The following ACVRL1 variants were observed in gnomAD, a reference collection of about 807,000 sequenced individuals.
ACVRL1 encodes the protein activin receptor type-1-like.
In ACVRL1, 20 loss-of-function variants were observed where a neutral mutation model predicts 51.9. The observed-to-expected ratio is 0.39, with a 90% CI of 0.27 to 0.56. The LOEUF (loss-of-function observed/expected upper bound fraction) is 0.56. Ranked by LOEUF, ACVRL1 falls within the 20% of genes least tolerant of loss-of-function variation. ACVRL1 has a pLI of 0.67. For missense variants in ACVRL1, 451 were observed against 670.3 expected (o/e 0.67, Z 3.61); for synonymous variants, 288 against 280.9 (o/e 1.03, Z -0.25).
At position 51,915,701 on chromosome 12, in the gene ACVRL1, C is replaced by T. The variant is rs1940820338; in HGVS notation, c.1048+201C>T. The T allele has an allele frequency of 3.7e-6, 3 of 800,080 alleles. No individual in the cohort carries two copies. In the South Asian group the frequency reaches 5.7e-5, roughly 15 times the overall value. 49.6% of individuals were successfully genotyped at this position (800,080 alleles called of 1,614,324 possible). A position where few individuals can be genotyped will look rare whatever the true frequency, so the allele number is the denominator to read the frequency against. On this transcript the variant is annotated intron_variant, in intron 7 of 9. Transcript: ENST00000388922. ...GATTCCTTCCACCATACCATCCTGG[C>T]TCCAGGAGTTGGGAGAAAGGAGGCA...
Position 51,921,024 on chromosome 12 carries a change from C to T in ACVRL1, c.*131C>T, listed in dbSNP as rs886049610. The T allele has an allele frequency of 1.6e-5, 18 of 1,151,840 alleles. No homozygotes were observed. The highest frequency in any genetic ancestry group is 2.0e-5 in the Non-Finnish European group (16 of 802,446). 71.4% of individuals were successfully genotyped at this position (1,151,840 alleles called of 1,614,324 possible). On this transcript the variant is annotated 3_prime_UTR_variant, in exon 10 of 10. Coordinates refer to ENST00000388922, the MANE Select transcript of ACVRL1 (RefSeq NM_000020.3). ...GGATGGGCAGCTGCGCCTGCCTGCT[C>T]GGCCCCCAGCCCACCCAGCCAAAAA...
chr12:51,920,172 G>A (rs563256681), intron 9 of ACVRL1, among the ~76,000 whole-genome samples: 21 of 152,338 alleles, frequency 1.4e-4, no homozygotes, highest in African/African-American at 3.8e-4. Flanking sequence ...ATGGGTTGAT[G>A]AGCTTTTTGG....
At chr12:51,912,620 A>AACT in intron 2 of ACVRL1, 85 bp downstream of exon 2, 2 of 1,189,986 alleles carry the variant, frequency 1.7e-6, no homozygotes, top group Non-Finnish European at 2.5e-6. Context: ...CCTGGGGCTG[A>AACT]ACTTGAGAAG....
rs1409264215 is a variant in ACVRL1, at chr12:51,912,522, C to G, written c.48C>G (p.Ala16=). 6.2e-7 allele frequency: 1 copy of G among 1,613,796 alleles called. No individual in the cohort carries two copies. Among genetic ancestry groups the G allele is most frequent in the South Asian group, 1.1e-5 (1 of 91,066 alleles). The change falls in exon 2 of 10, where the codon GCC becomes GCG. Residue 16 remains alanine, a synonymous_variant. Coordinates refer to ENST00000388922, the MANE Select transcript of ACVRL1 (RefSeq NM_000020.3). ...AAGGCCTTCTGATGCTGCTGATGGCCTTGGTGACCCAGGGTGAGTACTGGG... is the reference window on the plus strand; with the variant it reads ...AAGGCCTTCTGATGCTGCTGATGGCGTTGGTGACCCAGGGTGAGTACTGGG... ...PRKGLLMLLM[A]LVTQGDPVKP...
At chr12:51,912,442 A>C in intron 1 of ACVRL1, 28 bp from the exon 2 acceptor site, 1 of 1,612,504 alleles carries the variant, frequency 6.2e-7, no homozygotes, top group Non-Finnish European at 8.5e-7. Flanking sequence ...CATGGCTCTT[A>C]CTCCACCTCT....
intron 7 of ACVRL1, chr12:51,915,819 T>C (rs371738326): frequency 1.0e-4 from 66 of 642,886 alleles, no homozygotes; most frequent in East Asian, 8.1e-4. Context: ...CCCACTCACA[T>C]CTCGCTGGGT....
In ACVRL1 at chr12:51,923,088, AAGC is replaced by A. The variant is rs199704094; in HGVS notation, c.*2202_*2204del. On this transcript the variant is annotated 3_prime_UTR_variant, in exon 10 of 10. Transcript: ENST00000388922. ...CTGAGACCCCACAGCCAGAAACTGA[AAGC>A]AGCAGCTCCCCAAAGCCTGGAAAAT... is the stretch of plus-strand genomic sequence containing the variant. The A allele has an allele frequency of 5.2e-5, 8 of 152,814 alleles. No individual in the cohort carries two copies. In the East Asian group the frequency reaches 1.5e-3, roughly 29 times the overall value. The allele number at this position is 152,814 out of a possible 1,614,324, so 9.5% of individuals were successfully genotyped here. A position where few individuals can be genotyped will look rare whatever the true frequency, so the allele number is the denominator to read the frequency against.
chr12:51,920,402 T>G (rs564456180), intron 9 of ACVRL1, among the ~76,000 whole-genome samples: 17 of 152,304 alleles, frequency 1.1e-4, no homozygotes, highest in African/African-American at 4.1e-4. Context: ...TCACAGACAC[T>G]GCTTGCCCAA....
intron 2 of ACVRL1, 121 bp from the exon 3 acceptor site, chr12:51,912,978 C>G: frequency 7.1e-7 from 1 of 1,408,288 alleles, no homozygotes; most frequent in East Asian, 2.5e-5. Flanking sequence ...AGTAAGAGAC[C>G]AAAGCTTCAA....
intron 6 of ACVRL1, 103 bp from the exon 7 acceptor site, chr12:51,915,122 A>T: frequency 7.9e-7 from 1 of 1,265,206 alleles, no homozygotes; most frequent in Non-Finnish European, 1.1e-6. Context: ...CTTAGCAGTG[A>T]CCCAGTCCAT....
chr12:51,909,207 G>A (rs963137109), intron 1 of ACVRL1, among the ~76,000 whole-genome samples: 6 of 152,044 alleles, frequency 3.9e-5, no homozygotes, highest in Non-Finnish European at 8.8e-5. Context: ...AGCACCTTTC[G>A]GGCATACCAC....
intron 1 of ACVRL1, among the ~76,000 whole-genome samples, chr12:51,910,955 T>C (rs188340543): frequency 4.3e-3 from 653 of 152,288 alleles, no homozygotes; most frequent in Admixed American, 7.1e-3. Context: ...ACCCCACCCC[T>C]AGCCATACTG....
In ACVRL1 at chr12:51,917,872, C is replaced by A. The variant is rs1051023999; in HGVS notation, c.1247-1113C>A. Among the ~76,000 whole-genome samples, 2 of 152,144 alleles carry A rather than the reference C, an allele frequency of 1.3e-5. No individual in the cohort carries two copies. Among genetic ancestry groups the A allele is most frequent in the Admixed American group, 1.3e-4 (2 of 15,274 alleles). On this transcript the variant is annotated intron_variant, in intron 8 of 9. Coordinates refer to ENST00000388922, the MANE Select transcript of ACVRL1 (RefSeq NM_000020.3). The surrounding 1 kb of genome is among the most constrained non-coding windows in gnomAD (Gnocchi z 4.2). ...GGGTGGAGGGGGAAGCTCCATCAGC[C>A]CCACACGGACTCGCGGCGCATTATA...
At chr12:51,916,697 G>A (rs564183097) in intron 8 of ACVRL1, among the ~76,000 whole-genome samples, 2 of 152,352 alleles carry the variant, frequency 1.3e-5, no homozygotes, top group East Asian at 1.9e-4. Flanking sequence ...TTGTAAAATG[G>A]GTGCGATGGC....
chr12:51,913,929 G>A (rs1940762368), intron 4 of ACVRL1, 45 bp from the exon 5 acceptor site: 1 of 1,601,150 alleles, frequency 6.2e-7, no homozygotes, highest in Non-Finnish European at 8.5e-7. Context: ...GAAGGGGGCT[G>A]TGGCTGGTTG....
intron 2 of ACVRL1, 96 bp downstream of exon 2, chr12:51,912,631 C>A: frequency 9.2e-7 from 1 of 1,091,856 alleles, no homozygotes; most frequent in Non-Finnish European, 1.4e-6. Context: ...ACTTGAGAAG[C>A]TGGGGAGAAT....
intron 1 of ACVRL1, among the ~76,000 whole-genome samples, chr12:51,909,166 T>C (rs1298981383): frequency 6.6e-6 from 1 of 152,208 alleles, no homozygotes; most frequent in African/African-American, 2.4e-5. Flanking sequence ...TTATCAATCC[T>C]TCAGGTGTGC....
At position 51,916,243 on chromosome 12, in the gene ACVRL1, C is replaced by T; in HGVS notation, c.1246+10C>T. On this transcript the variant is annotated intron_variant, in intron 8 of 9. Coordinates refer to ENST00000388922, the MANE Select transcript of ACVRL1 (RefSeq NM_000020.3). ...CGGACCATCGTGAATGGTGAGGGCC[C>T]ACCCTACACAGGGTAGGGAAAGGGG... 2 of 1,613,170 alleles carry T rather than the reference C, an allele frequency of 1.2e-6. No homozygotes were observed. The highest frequency in any genetic ancestry group is 1.7e-6 in the Non-Finnish European group (2 of 1,179,658).
chr12:51,907,930 C>T lies in ACVRL1; in HGVS notation c.-6+235C>T, dbSNP rs1040541060. Among the ~76,000 whole-genome samples the T allele has an allele frequency of 2.0e-5, 3 of 152,182 alleles. No homozygotes were observed. The highest frequency in any genetic ancestry group is 7.2e-5 in the African/African-American group (3 of 41,446). The stretch of plus-strand genomic sequence containing the variant: ...TGGAAATCAGAAACTTGGTTCTAGT[C>T]GGGTGACCTGGGGTCAGTGACTTCA... On this transcript the variant is annotated intron_variant, in intron 1 of 9. Transcript: ENST00000388922. This position sits in a 1 kb window ranked among gnomAD's most constrained non-coding sequence, Gnocchi z 4.5.
Sources: gnomAD v4.1 joint callset for allele counts (sites outside exome capture counted in the v4.1 genomes callset) on GRCh38, gnomAD v4.1.1 for gene constraint, Gnocchi (gnomAD v3.1) non-coding constraint, MANE v1.5 for transcripts, NCBI Gene and HGNC (gene_info 2026-07-23, HGNC 2026-07-21) for gene names.